GINS3: variants seen among roughly 807,000 people sequenced by gnomAD.
GINS3 encodes DNA replication complex GINS protein PSF3.
GINS3 carries 18 observed loss-of-function variants against 20.0 expected under a neutral mutation model. The ratio of observed to expected loss-of-function variants is 0.90; its 90% CI spans 0.62 to 1.33. The LOEUF (loss-of-function observed/expected upper bound fraction) is 1.33, where lower values mean the gene tolerates loss of function less well. Among genes scored for constraint, GINS3 ranks in the 40% most tolerant of loss-of-function variants. GINS3 has a pLI of 0.00. For synonymous variants in GINS3, 109 were observed against 107.0 expected, an observed-to-expected ratio of 1.02 and a Z score of -0.12; for missense variants, 254 against 273.6, an observed-to-expected ratio of 0.93 and a Z score of 0.51.
At chr16:58,402,463 T>A (rs1315033474) in intron 1 of GINS3, among the ~76,000 whole-genome samples, 1 of 152,238 alleles carries the variant, frequency 6.6e-6, no homozygotes, top group Non-Finnish European at 1.5e-5. Flanking sequence ...CAGTTCTCCC[T>A]TGTGAGAGTT....
intron 1 of GINS3, among the ~76,000 whole-genome samples, chr16:58,399,032 G>C (rs536153756): frequency 6.6e-6 from 1 of 151,628 alleles, no homozygotes; most frequent in African/African-American, 2.4e-5. Flanking sequence ...AAAACATGTG[G>C]ACCAGGCATG....
At chr16:58,397,086 G>A (rs1965885073) in intron 1 of GINS3, among the ~76,000 whole-genome samples, 1 of 151,974 alleles carries the variant, frequency 6.6e-6, no homozygotes, top group South Asian at 2.1e-4. Context: ...CCTCCCTCCT[G>A]GATGGGGTGG....
At chr16:58,403,490 T>TACACACAC (rs112280214) in intron 2 of GINS3, 159 bp downstream of exon 2, 4 of 563,504 alleles carry the variant, frequency 7.1e-6, no homozygotes, top group African/African-American at 4.3e-5. Flanking sequence ...TATATTTACA[T>TACACACAC]ATATACACAC....
chr16:58,404,534 C>T lies in GINS3; in HGVS notation c.456C>T (p.Ser152=), dbSNP rs778359772. The T allele has an allele frequency of 6.2e-7, 1 of 1,614,164 alleles. No homozygotes were observed. The highest frequency in any genetic ancestry group is 2.2e-5 in the East Asian group (1 of 44,888). ...FIGRFRRIMD[S]SQNAYNEDTS... is the part of the protein sequence containing the mutation. ...GACGTTTTCGCCGCATCATGGACTC[C>T]TCACAGAATGCTTACAACGAAGACA... Residue 152 remains serine (S), a synonymous_variant, in exon 3 of 3, where the codon TCC becomes TCT. Transcript: ENST00000318129.
At position 58,404,607 on chromosome 16, in the gene GINS3, C is replaced by A; in HGVS notation, c.529C>A (p.Gln177Lys). 1 of 1,614,124 alleles carries A rather than the reference C, an allele frequency of 6.2e-7. No homozygotes were observed. The highest frequency in any genetic ancestry group is 1.1e-5 in the South Asian group (1 of 91,082). The change falls in exon 3 of 3, where the codon CAA (glutamine) becomes AAA (lysine). Residue 177 changes from glutamine to lysine, a missense_variant. Transcript: ENST00000318129. ...RLDEMERGLF[Q>K]TGQKGLNDFQ... ...AGACGAGATGGAGAGGGGCTTATTT[C>A]AAACAGGGCAGAAAGGACTGAATGA... is the stretch of plus-strand genomic sequence containing the variant.
chr16:58,403,889 A>AC, intron 2 of GINS3: 1 of 160,148 alleles, frequency 6.2e-6, no homozygotes, highest in South Asian at 1.8e-4. Flanking sequence ...TGGCCCTGCC[A>AC]TGAACTAGCA....
intron 1 of GINS3, among the ~76,000 whole-genome samples, chr16:58,400,352 G>A (rs1965938597): frequency 6.6e-6 from 1 of 152,228 alleles, no homozygotes. Flanking sequence ...CTGATAAAAT[G>A]TTTGAAATAC....
intron 1 of GINS3, among the ~76,000 whole-genome samples, chr16:58,396,702 C>T (rs1232595257): frequency 1.6e-5 from 2 of 125,468 alleles, no homozygotes; most frequent in African/African-American, 3.3e-5. Flanking sequence ...GGGCGGCTGG[C>T]CGGGCGGGGG....
At chr16:58,404,305 C>T (rs1965997640) in intron 2 of GINS3, 194 bp from the exon 3 acceptor site, 1 of 591,864 alleles carries the variant, frequency 1.7e-6, no homozygotes, top group Non-Finnish European at 3.1e-6. Flanking sequence ...TAACAATCCA[C>T]TTCACAGATG....
intron 1 of GINS3, among the ~76,000 whole-genome samples, chr16:58,394,910 T>G (rs1213922728): frequency 6.6e-6 from 1 of 152,208 alleles, no homozygotes; most frequent in African/African-American, 2.4e-5. Flanking sequence ...CTTCTTTGAG[T>G]GCAGAGTGTC....
rs570970145 is a variant in GINS3, at chr16:58,396,113, C to T, written c.186+3326C>T. 7.6e-4 allele frequency among the ~76,000 whole-genome samples: 108 copies of T among 141,364 alleles called. 1 individual carries two copies. The highest frequency in any genetic ancestry group is 2.8e-3 in the African/African-American group (102 of 36,842). 92.7% of individuals were successfully genotyped at this position (141,364 alleles called of 152,430 possible). A position where few individuals can be genotyped will look rare whatever the true frequency, so the allele number is the denominator to read the frequency against. On this transcript the variant is annotated intron_variant, in intron 1 of 2. Coordinates refer to ENST00000318129, the MANE Select transcript of GINS3 (RefSeq NM_022770.4). ...CTGACTCCCCCACCTCCCTCCCGGACGGGGCGGCTGGCTGGGTGGGGGGCT... is the reference window on the plus strand; with the variant it reads ...CTGACTCCCCCACCTCCCTCCCGGATGGGGCGGCTGGCTGGGTGGGGGGCT...
At chr16:58,402,548 G>A (rs1965971189) in intron 1 of GINS3, among the ~76,000 whole-genome samples, 2 of 152,046 alleles carry the variant, frequency 1.3e-5, no homozygotes, top group South Asian at 4.1e-4. Flanking sequence ...TTAATTTCTG[G>A]TCTGTCATGA....
Position 58,404,658 on chromosome 16 carries a change from G to A in GINS3, c.580G>A (p.Ala194Thr). 2.5e-6 allele frequency: 4 copies of A among 1,614,150 alleles called. No individual in the cohort carries two copies. The highest frequency in any genetic ancestry group is 1.3e-5 in the African/African-American group (1 of 75,038). The change falls in exon 3 of 3, where the codon GCT (alanine) becomes ACT (threonine). Residue 194 changes from alanine (A) to threonine (T), a missense_variant. Coordinates refer to ENST00000318129, the MANE Select transcript of GINS3 (RefSeq NM_022770.4). ...NDFQCWEKGQASQITASNLVQ... is the reference protein window; with the variant it reads ...NDFQCWEKGQTSQITASNLVQ... ...CTTTCAGTGTTGGGAGAAGGGGCAGGCTTCTCAGATCACAGCTTCCAACCT... is the reference window on the plus strand; with the variant it reads ...CTTTCAGTGTTGGGAGAAGGGGCAGACTTCTCAGATCACAGCTTCCAACCT...
In GINS3 at chr16:58,405,438, C is replaced by T. The variant is rs1966020516; in HGVS notation, c.*709C>T. Reference sequence around the variant, plus strand: ...GGTTAAACTGAGCTTGTTATTGCCTCGGAGAGCCTAAGAGCACCCGCACAC... The same window carrying T: ...GGTTAAACTGAGCTTGTTATTGCCTTGGAGAGCCTAAGAGCACCCGCACAC... On this transcript the variant is annotated 3_prime_UTR_variant, in exon 3 of 3. Coordinates refer to ENST00000318129, the MANE Select transcript of GINS3 (RefSeq NM_022770.4). The T allele has an allele frequency of 6.6e-6, 1 of 152,200 alleles. No homozygotes were observed. The highest frequency in any genetic ancestry group is 1.5e-5 in the Non-Finnish European group (1 of 68,068). 9.4% of individuals were successfully genotyped at this position (152,200 alleles called of 1,614,324 possible).
intron 1 of GINS3, among the ~76,000 whole-genome samples, chr16:58,401,729 C>T (rs1231812841): frequency 6.6e-6 from 1 of 152,210 alleles, no homozygotes; most frequent in Non-Finnish European, 1.5e-5. Flanking sequence ...AGCCACCGGC[C>T]CCTGCCAAAA....
chr16:58,403,275 C>T lies in GINS3; in HGVS notation c.364C>T (p.Gln122Ter), dbSNP rs1203270040. The change falls in exon 2 of 3, where the codon CAG becomes TAG. Residue 122 changes from glutamine to a stop codon, truncating the protein, a stop_gained. Coordinates refer to ENST00000318129, the MANE Select transcript of GINS3 (RefSeq NM_022770.4). LOFTEE classifies it high-confidence loss of function. ...GCCCCATTTCTACGGGTTTGGCTCCCAGCTCCTGCATTTTGACAGTCCCGA... is the reference window on the plus strand; with the variant it reads ...GCCCCATTTCTACGGGTTTGGCTCCTAGCTCCTGCATTTTGACAGTCCCGA... ...MGPHFYGFGS[Q>*]LLHFDSPENA... 1 of 1,614,014 alleles carries T rather than the reference C, an allele frequency of 6.2e-7. No individual in the cohort carries two copies. The highest frequency in any genetic ancestry group is 2.2e-5 in the East Asian group (1 of 44,898).
At chr16:58,402,607 CAT>C (rs773830430) in intron 1 of GINS3, among the ~76,000 whole-genome samples, 36 of 152,214 alleles carry the variant, frequency 2.4e-4, no homozygotes, top group African/African-American at 7.9e-4. Flanking sequence ...AAACTAGAGA[CAT>C]GTGTGCTGTC....
At chr16:58,396,902 C>T (rs1454991105) in intron 1 of GINS3, among the ~76,000 whole-genome samples, 1 of 148,732 alleles carries the variant, frequency 6.7e-6, no homozygotes, top group East Asian at 2.1e-4. Flanking sequence ...GACCCCCCCA[C>T]CTCCTTCCCG....
At chr16:58,397,668 G>A (rs1024309692) in intron 1 of GINS3, among the ~76,000 whole-genome samples, 9 of 152,276 alleles carry the variant, frequency 5.9e-5, no homozygotes, top group Middle Eastern at 3.4e-3. Flanking sequence ...CCAGTCAGGC[G>A]TGGCGGCGCG....
Sources: gnomAD v4.1 joint callset for allele counts (sites outside exome capture counted in the v4.1 genomes callset) on GRCh38, gnomAD v4.1.1 for gene constraint, MANE v1.5 for transcripts, NCBI Gene and HGNC (gene_info 2026-07-23, HGNC 2026-07-21) for gene names.